The following ZCCHC2 variants were observed in gnomAD, a reference collection of about 807,000 sequenced individuals.
ZCCHC2 encodes the protein zinc finger CCHC domain-containing protein 2.
In ZCCHC2, 39 loss-of-function variants were observed where a neutral mutation model predicts 103.6. That is an observed-to-expected ratio of 0.38 (90% CI 0.29 to 0.49). The LOEUF (loss-of-function observed/expected upper bound fraction) is 0.49. Among genes scored for constraint, ZCCHC2 ranks in the 20% least tolerant of loss-of-function variants. The pLI, the probability that ZCCHC2 is intolerant of heterozygous loss-of-function variation, is 0.96. For missense variants in ZCCHC2, 1,483 were observed against 1,491.0 expected (o/e 0.99, Z 0.09); for synonymous variants, 687 against 608.9 (o/e 1.13, Z -1.89).
rs1020614076 is a variant in ZCCHC2, at chr18:62,524,090, C to G, written c.666C>G (p.Gly222=). ...GSRGGAEDER[G]EDGDGEQDAE... Reference sequence around the variant, plus strand: ...GGGGCGGCGCGGAGGACGAGCGCGGCGAGGACGGCGACGGCGAGCAGGACG... The same window carrying G: ...GGGGCGGCGCGGAGGACGAGCGCGGGGAGGACGGCGACGGCGAGCAGGACG... The change falls in exon 1 of 14, where the codon GGC becomes GGG. Residue 222 remains glycine, a synonymous_variant. Coordinates refer to ENST00000269499, the MANE Select transcript of ZCCHC2 (RefSeq NM_017742.6). 1.7e-5 allele frequency: 25 copies of G among 1,515,046 alleles called. 1 individual carries two copies. The Middle Eastern group carries it at 5.6e-4, about 34-fold the overall frequency. The allele number at this position is 1,515,046 out of a possible 1,614,324, so 93.9% of individuals were successfully genotyped here. A position where few individuals can be genotyped will look rare whatever the true frequency, so the allele number is the denominator to read the frequency against.
chr18:62,545,629 A>G (rs1233981166), intron 4 of ZCCHC2, among the ~76,000 whole-genome samples: 2 of 152,234 alleles, frequency 1.3e-5, no homozygotes, highest in African/African-American at 2.4e-5. Context: ...AAAGGAGAGA[A>G]TAGGTATAAA....
intron 4 of ZCCHC2, among the ~76,000 whole-genome samples, chr18:62,548,466 A>G (rs891412774): frequency 6.6e-6 from 1 of 152,218 alleles, no homozygotes; most frequent in African/African-American, 2.4e-5. Context: ...GTGATTTGGT[A>G]GTTGAAATAG....
intron 3 of ZCCHC2, among the ~76,000 whole-genome samples, chr18:62,544,524 C>A (rs1034064827): frequency 6.6e-6 from 1 of 151,902 alleles, no homozygotes; most frequent in Non-Finnish European, 1.5e-5. Flanking sequence ...AACATATATC[C>A]CCTTTCTGAA....
At chr18:62,555,754 G>A (rs1194875358) in intron 5 of ZCCHC2, among the ~76,000 whole-genome samples, 1 of 152,018 alleles carries the variant, frequency 6.6e-6, no homozygotes, top group East Asian at 1.9e-4. Flanking sequence ...GTTGCAGTGA[G>A]CTGAGATCGC....
rs1915994926 is a variant in ZCCHC2, at chr18:62,558,759, G to A, written c.1481G>A (p.Ser494Asn). 1.9e-6 allele frequency: 3 copies of A among 1,543,714 alleles called. No individual in the cohort carries two copies. Among genetic ancestry groups the A allele is most frequent in the Non-Finnish European group, 2.6e-6 (3 of 1,143,228 alleles). Residue 494 changes from serine to asparagine, a missense_variant, in exon 7 of 14, where the codon AGT becomes AAT. By Grantham distance (46) the Ser-to-Asn change is conservative. Transcript: ENST00000269499. ...HLKEDSSEAS[S>N]QEEDVLQHAI... ...AAAGAAGACAGCTCTGAAGCTTCAA[G>A]TCAAGAAGAAGGTAAAGGTAGATTC...
intron 1 of ZCCHC2, among the ~76,000 whole-genome samples, chr18:62,533,270 A>G (rs1203211674): frequency 6.6e-6 from 1 of 152,166 alleles, no homozygotes; most frequent in African/African-American, 2.4e-5. Flanking sequence ...TTACGCCTGT[A>G]ATCCCAGCAC....
intron 11 of ZCCHC2, among the ~76,000 whole-genome samples, chr18:62,567,076 A>G (rs1362491990): frequency 1.3e-5 from 2 of 152,188 alleles, no homozygotes. Context: ...ATTTGTATGT[A>G]TTTACATTTA....
Position 62,523,304 on chromosome 18 carries a change from C to T in ZCCHC2, c.-121C>T. 1 of 960,736 alleles carries T rather than the reference C, an allele frequency of 1.0e-6. No individual in the cohort carries two copies. The highest frequency in any genetic ancestry group is 1.2e-6 in the Non-Finnish European group (1 of 808,304). The allele number at this position is 960,736 out of a possible 1,614,324, so 59.5% of individuals were successfully genotyped here. On this transcript the variant is annotated 5_prime_UTR_variant, in exon 1 of 14. Coordinates refer to ENST00000269499, the MANE Select transcript of ZCCHC2 (RefSeq NM_017742.6). ...CCGAGACCCGCCCCCGGCCCCGGCC[C>T]TCCCCCGGCGGCATGGAGGGGCCCC... is the stretch of plus-strand genomic sequence containing the variant.
intron 6 of ZCCHC2, among the ~76,000 whole-genome samples, chr18:62,558,308 T>C (rs530602364): frequency 6.6e-6 from 1 of 152,368 alleles, no homozygotes; most frequent in African/African-American, 2.4e-5. Flanking sequence ...CGTTATTTTA[T>C]TGTATTTTAC....
intron 1 of ZCCHC2, 23 bp from the exon 2 acceptor site, chr18:62,539,658 G>T: frequency 3.9e-6 from 6 of 1,544,844 alleles, no homozygotes; most frequent in Non-Finnish European, 5.3e-6. Context: ...TTAAGTTAAC[G>T]TATCTCCCTC....
At chr18:62,582,937 C>T (rs1917075677), downstream of ZCCHC2, among the ~76,000 whole-genome samples, 1 of 151,976 alleles carries the variant, frequency 6.6e-6, no homozygotes, top group African/African-American at 2.4e-5. Flanking sequence ...AACCCCATCT[C>T]TACAAAAAAT....
chr18:62,579,452 G>A (rs1382361664), downstream of ZCCHC2, among the ~76,000 whole-genome samples: 1 of 152,186 alleles, frequency 6.6e-6, no homozygotes, highest in Non-Finnish European at 1.5e-5. Flanking sequence ...GGCCAGCACC[G>A]TCCTGGGCCT....
At chr18:62,546,842 G>A (rs570008405) in intron 4 of ZCCHC2, among the ~76,000 whole-genome samples, 4 of 152,160 alleles carry the variant, frequency 2.6e-5, no homozygotes, top group Admixed American at 1.3e-4. Flanking sequence ...CAGAATCATA[G>A]CAATTGATGA....
At chr18:62,548,930 A>G (rs896446900) in intron 4 of ZCCHC2, among the ~76,000 whole-genome samples, 1 of 151,428 alleles carries the variant, frequency 6.6e-6, no homozygotes, top group Non-Finnish European at 1.5e-5. Context: ...TAGAAAAGAA[A>G]ATGGGTAGGC....
intron 8 of ZCCHC2, among the ~76,000 whole-genome samples, chr18:62,561,605 T>C (rs1393829197): frequency 6.6e-6 from 1 of 152,210 alleles, no homozygotes; most frequent in East Asian, 1.9e-4. Context: ...TTCATTGCAG[T>C]CCTTCGCCAT....
chr18:62,572,930 A>G (rs562172220), intron 12 of ZCCHC2, among the ~76,000 whole-genome samples: 7 of 152,258 alleles, frequency 4.6e-5, no homozygotes, highest in African/African-American at 1.7e-4. Context: ...TTATTAATCT[A>G]TTAGGGGAAG....
chr18:62,584,269 C>A (rs1347623441), intron 14 of ZCCHC2, among the ~76,000 whole-genome samples: 4 of 152,066 alleles, frequency 2.6e-5, no homozygotes, highest in Non-Finnish European at 5.9e-5. Context: ...GCACATCACA[C>A]GTGTGGGGAC....
At chr18:62,547,370 C>T (rs1003772084) in intron 4 of ZCCHC2, among the ~76,000 whole-genome samples, 6 of 150,968 alleles carry the variant, frequency 4.0e-5, no homozygotes, top group South Asian at 2.1e-4. Flanking sequence ...GTCCTTTGGA[C>T]GATGTGTCCA....
chr18:62,529,193 A>G (rs1914577793), intron 1 of ZCCHC2, among the ~76,000 whole-genome samples: 1 of 151,914 alleles, frequency 6.6e-6, no homozygotes, highest in Admixed American at 6.6e-5. Context: ...ATGCTTTTTA[A>G]AAATGACCAG....
Sources: gnomAD v4.1 joint callset for allele counts (sites outside exome capture counted in the v4.1 genomes callset) on GRCh38, gnomAD v4.1.1 for gene constraint, MANE v1.5 for transcripts, NCBI Gene and HGNC (gene_info 2026-07-23, HGNC 2026-07-21) for gene names.